Variants in CPQ observed in about 807,000 individuals in gnomAD.
The protein encoded by CPQ is Ser-Met dipeptidase.
Under a neutral mutation model 45.7 loss-of-function variants are expected in CPQ, and 37 were observed. The observed-to-expected ratio is 0.81, with a 90% CI of 0.62 to 1.07. CPQ has a LOEUF of 1.07. Ranked by LOEUF, CPQ falls within the 50% of genes least tolerant of loss-of-function variation. CPQ has a pLI of 0.00. For missense variants in CPQ, 537 were observed against 572.9 expected, an observed-to-expected ratio of 0.94 and a Z score of 0.64; for synonymous variants, 186 against 205.8, an observed-to-expected ratio of 0.90 and a Z score of 0.82.
At chr8:96,707,568 G>A (rs1471283869) in intron 1 of CPQ, among the ~76,000 whole-genome samples, 1 of 151,916 alleles carries the variant, frequency 6.6e-6, no homozygotes, top group Non-Finnish European at 1.5e-5. Flanking sequence ...GCCGAAAGTT[G>A]AGGCACCCCT....
At chr8:96,736,052 GGGCTACA>G (rs2130774116) in intron 1 of CPQ, among the ~76,000 whole-genome samples, 1 of 152,028 alleles carries the variant, frequency 6.6e-6, no homozygotes, top group East Asian at 2.0e-4. Flanking sequence ...ACTCAACACA[GGGCTACA>G]GGTATCGTTT....
intron 2 of CPQ, among the ~76,000 whole-genome samples, chr8:96,812,415 G>T (rs1044687819): frequency 6.6e-6 from 1 of 152,054 alleles, no homozygotes; most frequent in East Asian, 1.9e-4. Context: ...AATTTATAGG[G>T]GCTGTTCATG....
intron 5 of CPQ, among the ~76,000 whole-genome samples, chr8:96,990,465 C>T (rs1809068017): frequency 6.6e-6 from 1 of 152,178 alleles, no homozygotes; most frequent in Non-Finnish European, 1.5e-5. Context: ...GTTGAATAGT[C>T]TTATGTACTG....
intron 5 of CPQ, among the ~76,000 whole-genome samples, chr8:97,001,433 A>C (rs903169372): frequency 2.0e-4 from 31 of 152,162 alleles, no homozygotes; most frequent in Admixed American, 1.8e-3. Flanking sequence ...TACCTAGTTT[A>C]TTGAGATTTT....
At chr8:96,751,958 T>C (rs116048066) in intron 1 of CPQ, among the ~76,000 whole-genome samples, 2,916 of 152,146 alleles carry the variant, frequency 0.019, 105 homozygotes, top group African/African-American at 0.067. Flanking sequence ...AGGTGTGTGG[T>C]CTTATTTTTG....
chr8:97,050,804 A>G (rs929793550), intron 6 of CPQ, among the ~76,000 whole-genome samples: 1 of 152,092 alleles, frequency 6.6e-6, no homozygotes, highest in Non-Finnish European at 1.5e-5. Context: ...ATCCCTTTTC[A>G]CTCTCAAAAG....
rs773086083 is a variant in CPQ, at chr8:96,696,185, G to A, written c.-35+50783G>A. 2.3e-3 allele frequency among the ~76,000 whole-genome samples: 341 copies of A among 147,952 alleles called. 2 individuals carry two copies. The highest frequency in any genetic ancestry group is 6.2e-3 in the African/African-American group (249 of 39,930). On this transcript the variant is annotated intron_variant, in intron 1 of 7. Transcript: ENST00000220763. Reference sequence around the variant, plus strand: ...AAATCATCATTCTCAGTAAACTATCGCAAGAACAAAAAACCAAACACCGCA... The same window carrying A: ...AAATCATCATTCTCAGTAAACTATCACAAGAACAAAAAACCAAACACCGCA...
intron 1 of CPQ, among the ~76,000 whole-genome samples, chr8:96,718,667 C>T (rs184054698): frequency 1.8e-3 from 273 of 152,266 alleles, no homozygotes; most frequent in African/African-American, 6.4e-3. Flanking sequence ...TGCTTTTATT[C>T]TCTTATCTGG....
chr8:96,810,065 C>T (rs1811142571), intron 2 of CPQ, among the ~76,000 whole-genome samples: 1 of 152,096 alleles, frequency 6.6e-6, no homozygotes, highest in African/African-American at 2.4e-5. Context: ...GCTCTCATTT[C>T]CTCCCTCACT....
intron 1 of CPQ, among the ~76,000 whole-genome samples, chr8:96,728,081 A>T (rs1245822760): frequency 1.3e-5 from 2 of 151,790 alleles, no homozygotes; most frequent in East Asian, 3.9e-4. Context: ...TCTGGAGGAG[A>T]CCTCATTGTG....
At chr8:96,795,070 T>C (rs368601533) in intron 2 of CPQ, among the ~76,000 whole-genome samples, 1 of 152,188 alleles carries the variant, frequency 6.6e-6, no homozygotes, top group Non-Finnish European at 1.5e-5. Context: ...TGCTTCCACA[T>C]TTTTGGGTAT....
chr8:96,940,121 AT>A (rs35815902), intron 4 of CPQ, among the ~76,000 whole-genome samples: 2 of 151,614 alleles, frequency 1.3e-5, no homozygotes, highest in East Asian at 1.9e-4. Context: ...TTCTTGCCCT[AT>A]TTTTTTTGCC....
chr8:97,112,386 A>G (rs1050769166), intron 7 of CPQ, among the ~76,000 whole-genome samples: 19 of 152,186 alleles, frequency 1.2e-4, no homozygotes, highest in African/African-American at 4.1e-4. Flanking sequence ...AAGGCCTCAG[A>G]GAAGAACTGA....
At chr8:96,947,303 G>A (rs1433250013) in intron 4 of CPQ, among the ~76,000 whole-genome samples, 1 of 152,132 alleles carries the variant, frequency 6.6e-6, no homozygotes, top group Admixed American at 6.5e-5. Flanking sequence ...AATTATAATG[G>A]AGTAGGCTAT....
intron 7 of CPQ, 110 bp from the exon 8 acceptor site, chr8:97,142,910 G>T: frequency 1.1e-6 from 1 of 911,004 alleles, no homozygotes; most frequent in Non-Finnish European, 1.7e-6. Context: ...TAATTATTTT[G>T]CTATTGCAGA....
intron 7 of CPQ, among the ~76,000 whole-genome samples, chr8:97,083,787 T>C (rs910306755): frequency 1.3e-5 from 2 of 152,298 alleles, no homozygotes; most frequent in Middle Eastern, 3.4e-3. Context: ...TTGTCTGCTA[T>C]GGACTGACTG....
intron 1 of CPQ, among the ~76,000 whole-genome samples, chr8:96,714,203 T>G (rs1379312571): frequency 6.6e-6 from 1 of 152,236 alleles, no homozygotes; most frequent in Non-Finnish European, 1.5e-5. Flanking sequence ...CCAAGGAACT[T>G]TTCCGCAATT....
At chr8:96,744,934 A>G (rs1401377168) in intron 1 of CPQ, among the ~76,000 whole-genome samples, 2 of 152,190 alleles carry the variant, frequency 1.3e-5, no homozygotes, top group South Asian at 2.1e-4. Flanking sequence ...GAATCACCCA[A>G]TCACTGATCC....
chr8:97,125,027 G>C (rs758503090), intron 7 of CPQ, among the ~76,000 whole-genome samples: 4 of 152,036 alleles, frequency 2.6e-5, no homozygotes, highest in Non-Finnish European at 5.9e-5. Flanking sequence ...CAAGAAAAAA[G>C]AGAAGATGCA....
Sources: allele counts gnomAD v4.1 joint callset (sites outside exome capture counted in the v4.1 genomes callset), GRCh38; gene constraint gnomAD v4.1.1; transcripts MANE v1.5; gene names NCBI Gene and HGNC (gene_info 2026-07-23, HGNC 2026-07-21).